RUSF1: variants seen among roughly 807,000 people sequenced by gnomAD.
RUSF1 encodes RUS1 family protein C16orf58.
In RUSF1, 58 loss-of-function variants were observed where a neutral mutation model predicts 63.0. The ratio of observed to expected loss-of-function variants is 0.92; its 90% CI spans 0.75 to 1.15. RUSF1 has a LOEUF of 1.15. RUSF1 is among the 50% of genes most tolerant of loss of function. The probability of loss-of-function intolerance (pLI) is 0.00; values close to 1 mark genes in which losing one functional copy is unlikely to be tolerated. For missense variants in RUSF1, 652 were observed against 611.0 expected (o/e 1.07, Z -0.71); for synonymous variants, 274 against 255.8 (o/e 1.07, Z -0.68).
At chr16:31,493,567 T>C (rs758608371) in intron 8 of RUSF1, 36 bp downstream of exon 8, 15 of 1,613,504 alleles carry the variant, frequency 9.3e-6, no homozygotes, top group South Asian at 5.5e-5. Flanking sequence ...GTGGGAGAGG[T>C]TGAGACACAG....
At chr16:31,492,134 C>A in intron 11 of RUSF1, 48 bp from the exon 12 acceptor site, 1 of 1,613,606 alleles carries the variant, frequency 6.2e-7, no homozygotes, top group Non-Finnish European at 8.5e-7. Flanking sequence ...TCCAGCAGGA[C>A]AGAGTTTGTC....
chr16:31,500,064 G>T (rs1198832560), intron 3 of RUSF1, among the ~76,000 whole-genome samples: 2 of 152,108 alleles, frequency 1.3e-5, no homozygotes, highest in Admixed American at 6.5e-5. Flanking sequence ...ACCGTGGACG[G>T]CTACCTCACC....
At chr16:31,500,875 A>G in intron 2 of RUSF1, 144 bp from the exon 3 acceptor site, 2 of 799,140 alleles carry the variant, frequency 2.5e-6, no homozygotes, top group Non-Finnish European at 3.8e-6. Flanking sequence ...GGATAGTCAT[A>G]GCTACATAAT....
intron 2 of RUSF1, among the ~76,000 whole-genome samples, chr16:31,506,296 C>CAA (rs1348918259): frequency 1.3e-5 from 2 of 152,216 alleles, no homozygotes; most frequent in Non-Finnish European, 2.9e-5. Context: ...CATGTTTAGA[C>CAA]TTGAGTCTGA....
intron 2 of RUSF1, 68 bp from the exon 3 acceptor site, chr16:31,500,799 TG>T: frequency 1.3e-6 from 2 of 1,534,218 alleles, no homozygotes. Flanking sequence ...TGGCAGACCC[TG>T]GCACTGAACT....
chr16:31,504,460 C>T (rs1246780571), intron 2 of RUSF1, among the ~76,000 whole-genome samples: 4 of 151,992 alleles, frequency 2.6e-5, no homozygotes, highest in African/African-American at 7.2e-5. Flanking sequence ...GTACAGATGG[C>T]GTTTTACCAT....
chr16:31,496,954 G>A lies in RUSF1; in HGVS notation c.601-4C>T. 6.3e-7 allele frequency: 1 copy of A among 1,597,966 alleles called. No homozygotes were observed. The highest frequency in any genetic ancestry group is 1.1e-5 in the South Asian group (1 of 88,340). On this transcript the variant is annotated splice_region_variant and splice_polypyrimidine_tract_variant and intron_variant, in intron 5 of 12. Transcript: ENST00000327237. ...CACCAGCAACACTCACGATGCACTG[G>A]GTGGGAGGGGAAGAGAGAAGGTTGG... is the stretch of plus-strand genomic sequence containing the variant.
intron 2 of RUSF1, among the ~76,000 whole-genome samples, chr16:31,502,316 C>T (rs2082637071): frequency 6.6e-6 from 1 of 152,166 alleles, no homozygotes; most frequent in African/African-American, 2.4e-5. Context: ...TGCATTCTCC[C>T]CTTTCCAGAG....
At chr16:31,492,874 A>T in intron 10 of RUSF1, 104 bp downstream of exon 10, 1 of 1,146,172 alleles carries the variant, frequency 8.7e-7, no homozygotes, top group Non-Finnish European at 1.2e-6. Context: ...AACCCCCAGA[A>T]CAGGCAGCCT....
intron 10 of RUSF1, among the ~76,000 whole-genome samples, 182 bp downstream of exon 10, chr16:31,492,794 GCT>G (rs906422144): frequency 6.6e-6 from 1 of 152,196 alleles, no homozygotes; most frequent in African/African-American, 2.4e-5. Flanking sequence ...GGTACTGTTA[GCT>G]CTGTTTTACA....
chr16:31,491,327 CTT>C (rs879259178), intron 12 of RUSF1, among the ~76,000 whole-genome samples: 11 of 144,918 alleles, frequency 7.6e-5, no homozygotes, highest in East Asian at 2.0e-4. Flanking sequence ...GAGAATCCAT[CTT>C]TTTTTTTTTT....
chr16:31,493,323 A>T, intron 9 of RUSF1, 144 bp downstream of exon 9: 1 of 1,140,330 alleles, frequency 8.8e-7, no homozygotes, highest in Non-Finnish European at 1.3e-6. Flanking sequence ...TTCCTCACAC[A>T]CCCACACCAA....
intron 6 of RUSF1, among the ~76,000 whole-genome samples, chr16:31,495,298 C>T (rs1171601519): frequency 6.6e-6 from 1 of 152,038 alleles, no homozygotes; most frequent in African/African-American, 2.4e-5. Context: ...CTCAACCAGC[C>T]CTCCTGGGAA....
In RUSF1 at chr16:31,490,481, C is replaced by T. The variant is rs774392134; in HGVS notation, c.*354G>A. The T allele has an allele frequency of 1.3e-5, 21 of 1,614,022 alleles. No homozygotes were observed. The highest frequency in any genetic ancestry group is 1.6e-5 in the Non-Finnish European group (19 of 1,180,014). On this transcript the variant is annotated 3_prime_UTR_variant, in exon 13 of 13. Transcript: ENST00000327237. ...CGAGCTGGGCCCGTGTGGTCAACCT[C>T]AATGCCCTGCTCATGATGGCAGTGG...
chr16:31,491,700 T>TC (rs2082569681), intron 12 of RUSF1, among the ~76,000 whole-genome samples: 1 of 141,030 alleles, frequency 7.1e-6, no homozygotes, highest in Admixed American at 7.4e-5. Context: ...AGCCTCGACC[T>TC]CCCCCAGTTC....
intron 5 of RUSF1, among the ~76,000 whole-genome samples, chr16:31,498,667 T>A (rs2082616930): frequency 2.6e-5 from 4 of 152,286 alleles, no homozygotes; most frequent in Non-Finnish European, 1.5e-5. Context: ...AAGAGTGTGC[T>A]TGAGCCCCGC....
chr16:31,493,594 C>G lies in RUSF1; in HGVS notation c.958+9G>C. 1.2e-6 allele frequency: 2 copies of G among 1,614,178 alleles called. No individual in the cohort carries two copies. The highest frequency in any genetic ancestry group is 1.7e-6 in the Non-Finnish European group (2 of 1,180,036). ...GAGACACAGGACCCGAGACCAGGGG[C>G]AGGGTCACCTGTCCACAGCGGCTCC... On this transcript the variant is annotated intron_variant, in intron 8 of 12. Transcript: ENST00000327237.
At chr16:31,495,074 G>C (rs142430736) in intron 6 of RUSF1, among the ~76,000 whole-genome samples, 11 of 152,258 alleles carry the variant, frequency 7.2e-5, no homozygotes, top group African/African-American at 2.4e-4. Flanking sequence ...AACCACCCGG[G>C]AAGAAAAGGA....
intron 12 of RUSF1, 24 bp from the exon 13 acceptor site, chr16:31,490,956 G>T (rs201058391): frequency 6.2e-7 from 1 of 1,610,226 alleles, no homozygotes; most frequent in East Asian, 2.2e-5. Context: ...ATGGGGTGCT[G>T]CCGGGAATGC....
Sources: allele counts gnomAD v4.1 joint callset (sites outside exome capture counted in the v4.1 genomes callset), GRCh38; gene constraint gnomAD v4.1.1; transcripts MANE v1.5; gene names NCBI Gene and HGNC (gene_info 2026-07-23, HGNC 2026-07-21).